Variants in PTPRM observed in about 807,000 individuals in gnomAD.
PTPRM encodes the protein receptor-type tyrosine-protein phosphatase mu.
PTPRM carries 47 observed loss-of-function variants against 186.7 expected under a neutral mutation model. The observed-to-expected ratio is 0.25, with a 90% confidence interval of 0.20 to 0.32. PTPRM has a LOEUF of 0.32. Among genes scored for constraint, PTPRM ranks in the 10% least tolerant of loss-of-function variants. PTPRM has a pLI of 1.00. For synonymous variants in PTPRM, 668 were observed against 674.9 expected (o/e 0.99, Z 0.16); for missense variants, 1,494 against 1,865.0 (o/e 0.80, Z 3.66).
At chr18:7,954,312 G>C (rs182528403) in intron 6 of PTPRM, among the ~76,000 whole-genome samples, 16 of 152,250 alleles carry the variant, frequency 1.1e-4, no homozygotes, top group African/African-American at 3.8e-4. Flanking sequence ...TTTTGCTTCA[G>C]AGCTTTCCTT....
At chr18:8,047,720 G>A (rs1568246702) in intron 7 of PTPRM, among the ~76,000 whole-genome samples, 1 of 151,948 alleles carries the variant, frequency 6.6e-6, no homozygotes, top group Non-Finnish European at 1.5e-5. Context: ...GAACCTAGAG[G>A]GAAGAGGGTA....
chr18:7,704,375 T>G (rs2040030153), intron 1 of PTPRM, among the ~76,000 whole-genome samples: 1 of 152,210 alleles, frequency 6.6e-6, no homozygotes, highest in Non-Finnish European at 1.5e-5. Flanking sequence ...ATTCAGGGAT[T>G]CGACTTCTTC....
At chr18:7,611,918 G>A (rs2037685024) in intron 1 of PTPRM, among the ~76,000 whole-genome samples, 1 of 152,148 alleles carries the variant, frequency 6.6e-6, no homozygotes, top group Non-Finnish European at 1.5e-5. Flanking sequence ...GTCTTTATCA[G>A]CAGCATGAAA....
chr18:7,801,450 T>C (rs767893627), intron 2 of PTPRM, among the ~76,000 whole-genome samples: 14 of 152,140 alleles, frequency 9.2e-5, no homozygotes, highest in South Asian at 8.3e-4. Context: ...GTAACATGCA[T>C]AGAGCTGTCA....
rs767213577 is a variant in PTPRM, at chr18:7,888,260, C to T, written c.351C>T (p.Tyr117=). Residue 117 remains tyrosine (Y), a synonymous_variant, in exon 3 of 33, where the codon TAC becomes TAT. Coordinates refer to ENST00000580170, the MANE Select transcript of PTPRM (RefSeq NM_001105244.2). ...CTCCTCCGGGGTTACTCAATGTCTA[C>T]GTGAAGGTCAATAACGGGCCACTGG... The part of the protein sequence containing the change: ...SNSPPGLLNV[Y]VKVNNGPLGN... The T allele has an allele frequency of 1.2e-5, 19 of 1,613,928 alleles. No individual in the cohort carries two copies. Among genetic ancestry groups the T allele is most frequent in the African/African-American group, 5.3e-5 (4 of 74,878 alleles).
intron 7 of PTPRM, among the ~76,000 whole-genome samples, chr18:8,041,716 A>G (rs572751822): frequency 5.8e-4 from 89 of 152,322 alleles, no homozygotes; most frequent in African/African-American, 2.1e-3. Flanking sequence ...GTTGACTTAC[A>G]TCTGTATTGT....
chr18:7,997,045 G>T (rs1012347082), intron 7 of PTPRM, among the ~76,000 whole-genome samples: 1 of 151,984 alleles, frequency 6.6e-6, no homozygotes, highest in African/African-American at 2.4e-5. Flanking sequence ...AAACAATCCT[G>T]ATATTCGTAT....
chr18:8,160,581 C>A (rs73389762), intron 14 of PTPRM, among the ~76,000 whole-genome samples: 3,321 of 152,292 alleles, frequency 0.022, 114 homozygotes, highest in African/African-American at 0.076. Context: ...AGGCACTGAA[C>A]CACTATGCCT....
At chr18:7,815,667 C>T (rs890926992) in intron 2 of PTPRM, 7 of 151,288 alleles carry the variant, frequency 4.6e-5, no homozygotes, top group East Asian at 3.9e-4. Context: ...GCGCTCTAGC[C>T]GGGCAATAAT....
intron 14 of PTPRM, among the ~76,000 whole-genome samples, chr18:8,238,651 GTTTTTTTTTTTTTTTTT>G (rs71165776): frequency 4.3e-4 from 11 of 25,758 alleles, no homozygotes; most frequent in East Asian, 1.5e-3. Context: ...TGTTTTGTGT[GTTTTTTTTTTTTTTTTT>G]TTTTTTTTTT....
intron 22 of PTPRM, among the ~76,000 whole-genome samples, chr18:8,338,817 C>T (rs1324374900): frequency 1.3e-5 from 2 of 152,090 alleles, no homozygotes; most frequent in Non-Finnish European, 2.9e-5. Context: ...TCAAAAAACT[C>T]GAAAATGCCA....
In PTPRM at chr18:7,999,130, G is replaced by A. The variant is rs144571652; in HGVS notation, c.1132+43716G>A. Among the ~76,000 whole-genome samples the A allele has an allele frequency of 9.7e-3, 1,471 of 152,200 alleles. 7 individuals are homozygous for A. Among genetic ancestry groups the A allele is most frequent in the South Asian group, 0.033 (161 of 4,820 alleles). On this transcript the variant is annotated intron_variant, in intron 7 of 32. Coordinates refer to ENST00000580170, the MANE Select transcript of PTPRM (RefSeq NM_001105244.2). ...ACCGCCCTGGACAGGACGCCTTTCC[G>A]CTGCAGAGTGCACTCACATAGCCCC...
chr18:8,165,409 G>A (rs796465742), intron 14 of PTPRM, among the ~76,000 whole-genome samples: 14 of 152,036 alleles, frequency 9.2e-5, no homozygotes, highest in African/African-American at 3.4e-4. Flanking sequence ...TTATGTTGTT[G>A]GTACATGTCT....
At chr18:8,397,928 C>T (rs904785745) in intron 32 of PTPRM, among the ~76,000 whole-genome samples, 2 of 152,186 alleles carry the variant, frequency 1.3e-5, no homozygotes, top group Non-Finnish European at 2.9e-5. Flanking sequence ...TAGTGCACTG[C>T]CCAGGAAGTG....
At chr18:7,978,826 A>G (rs569792856) in intron 7 of PTPRM, among the ~76,000 whole-genome samples, 1 of 152,284 alleles carries the variant, frequency 6.6e-6, no homozygotes, top group Non-Finnish European at 1.5e-5. Flanking sequence ...GTGACAGAGT[A>G]TTCTTTCATA....
rs966628889 is a variant in PTPRM, at chr18:7,568,515, T to C, written c.73+624T>C. ...GGGAGTTCCTCGCCGGTCCCAGCGG[T>C]AGGGCTTGGCGGCCGCGGAGGGAAG... On this transcript the variant is annotated intron_variant, in intron 1 of 32. Transcript: ENST00000580170. The surrounding 1 kb of genome is among the most constrained non-coding windows in gnomAD (Gnocchi z 5.1). Among the ~76,000 whole-genome samples the C allele has an allele frequency of 1.3e-5, 2 of 151,952 alleles. No homozygotes were observed. The highest frequency in any genetic ancestry group is 4.8e-5 in the African/African-American group (2 of 41,400).
At chr18:8,306,723 C>T (rs151021710) in intron 20 of PTPRM, among the ~76,000 whole-genome samples, 1 of 152,314 alleles carries the variant, frequency 6.6e-6, no homozygotes, top group Admixed American at 6.5e-5. Flanking sequence ...GAGAGAGGGC[C>T]CCTCCCAGCT....
chr18:7,884,924 C>CAAA (rs56724615), intron 2 of PTPRM, among the ~76,000 whole-genome samples: 5,394 of 37,828 alleles, frequency 0.14, 1,604 homozygotes, highest in Middle Eastern at 0.53. Context: ...AGCTCCATCT[C>CAAA]AAAAAAAAAA....
At chr18:8,352,642 TTTTTGG>T in intron 23 of PTPRM, among the ~76,000 whole-genome samples, 2 of 121,334 alleles carry the variant, frequency 1.6e-5, no homozygotes, top group African/African-American at 2.9e-5. Context: ...CTTTTTTTTT[TTTTTGG>T]TTTGGTTTTT....
Sources: allele counts gnomAD v4.1 joint callset (sites outside exome capture counted in the v4.1 genomes callset), GRCh38; gene constraint gnomAD v4.1.1; non-coding constraint Gnocchi (gnomAD v3.1); transcripts MANE v1.5; gene names NCBI Gene and HGNC (gene_info 2026-07-23, HGNC 2026-07-21).